The following TULP2 variants were observed in gnomAD, a reference collection of about 807,000 sequenced individuals.
TULP2 encodes TUB like protein 2, also known as tubby-related protein 2.
In TULP2, 64 loss-of-function variants were observed where a neutral mutation model predicts 60.3. That is an observed-to-expected ratio of 1.06 (90% CI 0.87 to 1.31). The LOEUF (loss-of-function observed/expected upper bound fraction) is 1.31, where lower values mean the gene tolerates loss of function less well. TULP2 is among the 50% of genes most tolerant of loss of function. The pLI is 0.00. For synonymous variants in TULP2, 267 were observed against 265.4 expected (o/e 1.01, Z -0.06); for missense variants, 652 against 667.0 (o/e 0.98, Z 0.25).
At position 48,883,928 on chromosome 19, in the gene TULP2, T is replaced by C. The variant is rs1347097373; in HGVS notation, c.1176+4A>G. 1 of 1,613,838 alleles carries C rather than the reference T, an allele frequency of 6.2e-7. No individual in the cohort carries two copies. Among genetic ancestry groups the C allele is most frequent in the Non-Finnish European group, 8.5e-7 (1 of 1,179,932 alleles). ...CCCCATTCTCTCATCCCCAGGACAC[T>C]CACATAACACACAGCCCCCAGCTCC... is the stretch of plus-strand genomic sequence containing the variant. On this transcript the variant is annotated splice_donor_region_variant and intron_variant, in intron 10 of 12. Transcript: ENST00000221399.
chr19:48,890,174 C>CCGATTGTA (rs1474318800), intron 6 of TULP2, among the ~76,000 whole-genome samples: 1 of 152,244 alleles, frequency 6.6e-6, no homozygotes, highest in African/African-American at 2.4e-5. Context: ...GGTATAAAAC[C>CCGATTGTA]CGATTGTACG....
In TULP2 at chr19:48,887,054, A is replaced by G. The variant is rs185476163; in HGVS notation, c.948+896T>C. ...GAGATGGAGTTTCGCTCTTTCACCC[A>G]GGCTGGAGTGCAGTGGTGTGAGATC... On this transcript the variant is annotated intron_variant, in intron 8 of 12. Transcript: ENST00000221399. Among the ~76,000 whole-genome samples the G allele has an allele frequency of 8.3e-3, 1,087 of 130,710 alleles. 16 individuals carry two copies. The highest frequency in any genetic ancestry group is 0.03 in the African/African-American group (1,022 of 33,872). 85.8% of individuals were successfully genotyped at this position (130,710 alleles called of 152,430 possible).
At position 48,887,338 on chromosome 19, in the gene TULP2, T is replaced by TTTTTTTTTTTTTTTTTA. The variant is rs1285265988; in HGVS notation, c.948+611_948+612insTAAAAAAAAAAAAAAAA. On this transcript the variant is annotated intron_variant, in intron 8 of 12. Coordinates refer to ENST00000221399, the MANE Select transcript of TULP2 (RefSeq NM_003323.3). ...TTTTTTTTTTTTTTTTTTTTTTTTT[T>TTTTTTTTTTTTTTTTTA]TTTTTATGCAGAGTCTAACTCTGTC... Among the ~76,000 whole-genome samples the TTTTTTTTTTTTTTTTTA allele has an allele frequency of 4.2e-5, 4 of 95,288 alleles. 1 individual carries two copies. Among genetic ancestry groups the TTTTTTTTTTTTTTTTTA allele is most frequent in the Non-Finnish European group, 8.2e-5 (4 of 48,638 alleles). 62.5% of individuals were successfully genotyped at this position (95,288 alleles called of 152,430 possible).
intron 6 of TULP2, among the ~76,000 whole-genome samples, chr19:48,890,867 C>T (rs1009955231): frequency 6.6e-6 from 1 of 152,044 alleles, no homozygotes; most frequent in Non-Finnish European, 1.5e-5. Flanking sequence ...ATCACAGAGA[C>T]TGAAGATGGG....
In TULP2 at chr19:48,897,737, T is replaced by C; in HGVS notation, c.32+100A>G. 1 of 1,294,876 alleles carries C rather than the reference T, an allele frequency of 7.7e-7. No individual in the cohort carries two copies. Among genetic ancestry groups the C allele is most frequent in the Non-Finnish European group, 1.1e-6 (1 of 891,354 alleles). 80.2% of individuals were successfully genotyped at this position (1,294,876 alleles called of 1,614,324 possible). On this transcript the variant is annotated intron_variant, in intron 2 of 12. Transcript: ENST00000221399. This position sits in a 1 kb window ranked among gnomAD's most constrained non-coding sequence, Gnocchi z 4.0. ...CCCCAGCCCCTTCCTGCAAGGCCGA[T>C]GGTGCTGAACCTGCAAACATGGTTA...
intron 6 of TULP2, among the ~76,000 whole-genome samples, chr19:48,892,740 C>G (rs2037245338): frequency 6.6e-6 from 1 of 152,080 alleles, no homozygotes; most frequent in African/African-American, 2.4e-5. Context: ...ATCCGCCCGC[C>G]TCGGCCTCCC....
chr19:48,896,833 G>T (rs915699869), intron 3 of TULP2: 2 of 378,586 alleles, frequency 5.3e-6, no homozygotes, highest in Admixed American at 4.4e-5. Context: ...CATCACAAGG[G>T]TTTGTTTGCT....
intron 11 of TULP2, 78 bp downstream of exon 11, chr19:48,883,676 T>C (rs896032140): frequency 1.3e-6 from 2 of 1,514,468 alleles, no homozygotes; most frequent in Admixed American, 1.8e-5. Context: ...CCTCTTCTTC[T>C]TCCTCCTCTG....
At chr19:48,881,215 T>TTC (rs2037128353) in intron 12 of TULP2, 89 bp from the exon 13 acceptor site, 2 of 569,358 alleles carry the variant, frequency 3.5e-6, no homozygotes, top group African/African-American at 7.6e-5. Context: ...TTTTTTCTTT[T>TTC]TTTTTTTTTT....
chr19:48,884,746 G>C (rs536288267), intron 9 of TULP2, among the ~76,000 whole-genome samples: 1 of 151,330 alleles, frequency 6.6e-6, no homozygotes. Flanking sequence ...CTCCAGCCTG[G>C]GCAACAAAAG....
intron 8 of TULP2, among the ~76,000 whole-genome samples, chr19:48,886,878 A>ATTT (rs879506248): frequency 1.4e-5 from 2 of 141,614 alleles, no homozygotes; most frequent in Non-Finnish European, 1.6e-5. Flanking sequence ...GGCCTGGCTA[A>ATTT]TTTTTTTTTT....
chr19:48,889,693 C>T, intron 6 of TULP2, 62 bp from the exon 7 acceptor site: 2 of 1,432,068 alleles, frequency 1.4e-6, no homozygotes, highest in Non-Finnish European at 1.9e-6. Flanking sequence ...AAGAAGTAGA[C>T]ATAGGAGACT....
rs184651471 is a variant in TULP2, at chr19:48,897,023, G to A, written c.84+322C>T. Among the ~76,000 whole-genome samples the A allele has an allele frequency of 1.6e-4, 24 of 152,184 alleles. No individual in the cohort carries two copies. In the East Asian group the frequency reaches 4.6e-3, roughly 29 times the overall value. Reference sequence around the variant, plus strand: ...TCCTGCCTCAGCCTCCCGAGTAGCTGGGATTACAGGCGCCTGCCACCACAC... The same window carrying A: ...TCCTGCCTCAGCCTCCCGAGTAGCTAGGATTACAGGCGCCTGCCACCACAC... On this transcript the variant is annotated intron_variant, in intron 3 of 12. Transcript: ENST00000221399. The surrounding 1 kb of genome is among the most constrained non-coding windows in gnomAD (Gnocchi z 4.0).
chr19:48,892,852 A>AT (rs2037246219), intron 6 of TULP2, among the ~76,000 whole-genome samples: 1 of 151,872 alleles, frequency 6.6e-6, no homozygotes, highest in Non-Finnish European at 1.5e-5. Context: ...CTTTTTCTAC[A>AT]TAGACAAAGT....
At chr19:48,883,504 G>C (rs1324582734) in intron 11 of TULP2, among the ~76,000 whole-genome samples, 2 of 152,114 alleles carry the variant, frequency 1.3e-5, no homozygotes, top group African/African-American at 2.4e-5. Flanking sequence ...TTGGAGTCTG[G>C]ATCAGACCCC....
chr19:48,891,180 C>T (rs1364267600), intron 6 of TULP2, among the ~76,000 whole-genome samples: 6 of 149,630 alleles, frequency 4.0e-5, no homozygotes, highest in Admixed American at 6.6e-5. Context: ...AAAAATTAGC[C>T]GGGTGTGGTG....
chr19:48,893,177 T>C (rs1480515424), intron 6 of TULP2, among the ~76,000 whole-genome samples: 1 of 151,898 alleles, frequency 6.6e-6, no homozygotes, highest in Non-Finnish European at 1.5e-5. Flanking sequence ...AGACCAGCTG[T>C]GCCAACATGG....
chr19:48,884,056 G>C lies in TULP2; in HGVS notation c.1062-10C>G. On this transcript the variant is annotated splice_polypyrimidine_tract_variant and intron_variant, in intron 9 of 12. Transcript: ENST00000221399. ...GCTGAAGACATTGGATCTGCTCCAG[G>C]AAGGGAATGGATAGAATAAAAATAC... The C allele has an allele frequency of 6.2e-7, 1 of 1,607,524 alleles. No homozygotes were observed. Among genetic ancestry groups the C allele is most frequent in the Non-Finnish European group, 8.5e-7 (1 of 1,174,176 alleles).
At chr19:48,890,084 AAGAGGAAGGC>A (rs2037218723) in intron 6 of TULP2, among the ~76,000 whole-genome samples, 1 of 152,010 alleles carries the variant, frequency 6.6e-6, no homozygotes, top group Admixed American at 6.6e-5. Context: ...GGATTAGTAT[AAGAGGAAGGC>A]ATGCCTCTTG....
Sources: gnomAD v4.1 joint callset for allele counts (sites outside exome capture counted in the v4.1 genomes callset) on GRCh38, gnomAD v4.1.1 for gene constraint, Gnocchi (gnomAD v3.1) non-coding constraint, MANE v1.5 for transcripts, NCBI Gene and HGNC (gene_info 2026-07-23, HGNC 2026-07-21) for gene names.